Variants in MAGI2 observed in about 807,000 individuals in gnomAD.
MAGI2 encodes membrane associated guanylate kinase, WW and PDZ domain containing 2.
Under a neutral mutation model 133.3 loss-of-function variants are expected in MAGI2, and 35 were observed. That is an observed-to-expected ratio of 0.26 (90% CI 0.20 to 0.35). MAGI2 has a LOEUF of 0.35. MAGI2 is among the 10% of genes least tolerant of loss of function. The pLI is 1.00. For missense variants in MAGI2, 1,636 were observed against 1,863.4 expected, an observed-to-expected ratio of 0.88 and a Z score of 2.25; for synonymous variants, 729 against 710.6, an observed-to-expected ratio of 1.03 and a Z score of -0.41.
chr7:79,399,579 T>C (rs1187625314), intron 1 of MAGI2, among the ~76,000 whole-genome samples: 1 of 152,140 alleles, frequency 6.6e-6, no homozygotes, highest in Non-Finnish European at 1.5e-5. Context: ...AAGCTGTAGA[T>C]ACAAGTGCAG....
At chr7:78,135,531 C>A (rs1160957514) in intron 16 of MAGI2, among the ~76,000 whole-genome samples, 1 of 152,088 alleles carries the variant, frequency 6.6e-6, no homozygotes, top group African/African-American at 2.4e-5. Flanking sequence ...AATGTCCAGG[C>A]AGGAGGCGAG....
In MAGI2 at chr7:79,288,635, G is replaced by A. The variant is rs147610652; in HGVS notation, c.301+164385C>T. The stretch of plus-strand genomic sequence containing the variant: ...TCATTTTACCAACTGGTAACTATCC[G>A]TAAGATTTAATGTGGGAACCAGGAC... On this transcript the variant is annotated intron_variant, in intron 1 of 21. Coordinates refer to ENST00000354212, the MANE Select transcript of MAGI2 (RefSeq NM_012301.4). 2.5e-3 allele frequency among the ~76,000 whole-genome samples: 377 copies of A among 152,120 alleles called. 1 individual carries two copies. The highest frequency in any genetic ancestry group is 4.3e-3 in the Non-Finnish European group (289 of 67,992).
intron 6 of MAGI2, among the ~76,000 whole-genome samples, chr7:78,378,230 G>A (rs1262170260): frequency 2.6e-5 from 4 of 151,846 alleles, no homozygotes; most frequent in African/African-American, 9.7e-5. Context: ...AAACAAAAAG[G>A]TAAAAAGAAT....
intron 6 of MAGI2, among the ~76,000 whole-genome samples, chr7:78,449,691 T>G (rs1042529062): frequency 6.6e-6 from 1 of 152,086 alleles, no homozygotes; most frequent in Non-Finnish European, 1.5e-5. Context: ...TTGAGGAGCT[T>G]ACTGGCCTAA....
intron 1 of MAGI2, among the ~76,000 whole-genome samples, chr7:79,269,015 C>G (rs1307547354): frequency 6.6e-6 from 1 of 151,970 alleles, no homozygotes; most frequent in African/African-American, 2.4e-5. Context: ...CCCACAATCA[C>G]GGGAAATGGT....
At chr7:78,156,746 G>A (rs536448780) in intron 16 of MAGI2, among the ~76,000 whole-genome samples, 1 of 151,014 alleles carries the variant, frequency 6.6e-6, no homozygotes, top group South Asian at 2.1e-4. Context: ...TTGCTTAAAT[G>A]TAATGATGCT....
At chr7:78,064,854 T>A (rs538276180) in intron 21 of MAGI2, among the ~76,000 whole-genome samples, 21 of 152,298 alleles carry the variant, frequency 1.4e-4, no homozygotes, top group South Asian at 6.2e-4. Context: ...TCTGATTTTT[T>A]AAAAAATTAT....
chr7:78,360,469 G>A (rs1290228357), intron 7 of MAGI2, among the ~76,000 whole-genome samples: 2 of 152,186 alleles, frequency 1.3e-5, no homozygotes, highest in African/African-American at 4.8e-5. Context: ...AGTATGTAAT[G>A]ATACAGATTG....
intron 1 of MAGI2, among the ~76,000 whole-genome samples, chr7:79,300,992 G>A (rs551536159): frequency 6.6e-6 from 1 of 152,280 alleles, no homozygotes; most frequent in South Asian, 2.1e-4. Flanking sequence ...TCAAGCCTGC[G>A]AGTGCACAGA....
At chr7:78,579,953 G>C (rs1389444704) in intron 3 of MAGI2, among the ~76,000 whole-genome samples, 1 of 152,136 alleles carries the variant, frequency 6.6e-6, no homozygotes, top group Non-Finnish European at 1.5e-5. Flanking sequence ...CTAATATCCA[G>C]TATTGTACAC....
chr7:79,314,486 G>A (rs1157839740), intron 1 of MAGI2, among the ~76,000 whole-genome samples: 1 of 152,196 alleles, frequency 6.6e-6, no homozygotes, highest in African/African-American at 2.4e-5. Flanking sequence ...CTTATCAGAA[G>A]TCTATATATG....
chr7:79,378,187 A>G (rs1843509885), intron 1 of MAGI2, among the ~76,000 whole-genome samples: 1 of 151,862 alleles, frequency 6.6e-6, no homozygotes, highest in Non-Finnish European at 1.5e-5. Context: ...CTAATGTAGT[A>G]ACAACACTTT....
chr7:79,186,772 T>C (rs1212616952), intron 1 of MAGI2, among the ~76,000 whole-genome samples: 7 of 81,502 alleles, frequency 8.6e-5, no homozygotes, highest in African/African-American at 1.4e-4. Context: ...TATATATATA[T>C]ATATACACAC....
At chr7:79,443,035 G>A (rs941595905) in intron 1 of MAGI2, among the ~76,000 whole-genome samples, 2 of 152,094 alleles carry the variant, frequency 1.3e-5, no homozygotes, top group Non-Finnish European at 2.9e-5. Flanking sequence ...ACTTTGGGAG[G>A]CAGAGGTGGG....
intron 16 of MAGI2, among the ~76,000 whole-genome samples, chr7:78,154,483 T>G (rs1042541100): frequency 6.6e-6 from 1 of 152,182 alleles, no homozygotes; most frequent in African/African-American, 2.4e-5. Flanking sequence ...AAGGAAGGAT[T>G]GAAAAGTTTG....
chr7:78,775,463 A>G (rs990030370), intron 2 of MAGI2, among the ~76,000 whole-genome samples: 3 of 152,136 alleles, frequency 2.0e-5, no homozygotes, highest in African/African-American at 7.2e-5. Context: ...TATGAAACCA[A>G]CTGAGAGACC....
chr7:78,984,727 C>A (rs528946620), intron 2 of MAGI2, among the ~76,000 whole-genome samples: 9 of 152,066 alleles, frequency 5.9e-5, no homozygotes, highest in African/African-American at 2.2e-4. Context: ...ACACACTCAG[C>A]ACTATCACCC....
chr7:79,413,163 G>C (rs2129172753), intron 1 of MAGI2: 1 of 152,226 alleles, frequency 6.6e-6, no homozygotes, highest in South Asian at 2.1e-4. Flanking sequence ...ATATGGATAA[G>C]GACAGTTGAG....
At chr7:79,056,799 A>G (rs1330933386) in intron 1 of MAGI2, among the ~76,000 whole-genome samples, 3 of 152,246 alleles carry the variant, frequency 2.0e-5, no homozygotes, top group Non-Finnish European at 4.4e-5. Flanking sequence ...ACAGACAAAA[A>G]TACACATTCA....
Sources: gnomAD v4.1 joint callset for allele counts (sites outside exome capture counted in the v4.1 genomes callset) on GRCh38, gnomAD v4.1.1 for gene constraint, MANE v1.5 for transcripts, NCBI Gene and HGNC (gene_info 2026-07-23, HGNC 2026-07-21) for gene names.